The following ERBIN variants were observed in gnomAD, a reference collection of about 807,000 sequenced individuals.
The protein encoded by ERBIN is densin-180-like protein.
A neutral mutation model predicts 158.4 loss-of-function variants in ERBIN; 60 were observed. The observed-to-expected ratio is 0.38, with a 90% CI of 0.31 to 0.47. The LOEUF is 0.47. Ranked by LOEUF, ERBIN falls within the 20% of genes least tolerant of loss-of-function variation. ERBIN has a pLI of 0.99. For missense variants in ERBIN, 1,610 were observed against 1,648.0 expected, an observed-to-expected ratio of 0.98 and a Z score of 0.40; for synonymous variants, 594 against 557.2, an observed-to-expected ratio of 1.07 and a Z score of -0.93.
At chr5:66,025,425 T>C in intron 10 of ERBIN, 55 bp from the exon 11 acceptor site, 1 of 1,306,192 alleles carries the variant, frequency 7.7e-7, no homozygotes, top group Non-Finnish European at 1.1e-6. Context: ...TGACTGTTGG[T>C]GGACTTGCTT....
chr5:65,942,930 CT>C (rs56340024), intron 1 of ERBIN, among the ~76,000 whole-genome samples: 1 of 149,940 alleles, frequency 6.7e-6, no homozygotes, highest in Non-Finnish European at 1.5e-5. Flanking sequence ...AAAAAATAGA[CT>C]TTAAGTTTTT....
chr5:65,955,902 C>T (rs1580145379), intron 1 of ERBIN, among the ~76,000 whole-genome samples: 1 of 152,210 alleles, frequency 6.6e-6, no homozygotes, highest in South Asian at 2.1e-4. Flanking sequence ...TGCCATCATG[C>T]ACCATCCAGG....
rs183994533 is a variant in ERBIN, at chr5:66,072,743, T to A, written c.3756+452T>A. Among the ~76,000 whole-genome samples, 15 of 152,310 alleles carry A rather than the reference T, an allele frequency of 9.8e-5. No homozygotes were observed. In the East Asian group the frequency reaches 2.9e-3, roughly 29 times the overall value. The stretch of plus-strand genomic sequence containing the variant: ...TTGTATATGGTAGAATAGATGATGG[T>A]TGTGTTTTTAGTACTTTTGTTGCAA... On this transcript the variant is annotated intron_variant, in intron 22 of 25. Transcript: ENST00000284037.
At position 66,078,532 on chromosome 5, in the gene ERBIN, C is replaced by A. The variant is rs1368280662; in HGVS notation, c.*2C>A. The A allele has an allele frequency of 1.3e-6, 2 of 1,587,486 alleles. No individual in the cohort carries two copies. The highest frequency in any genetic ancestry group is 1.7e-6 in the Non-Finnish European group (2 of 1,159,248). ...ATTGTACGAGAAGTTTCCTCATAAG[C>A]ACTGTGGACAAAAAAAGCGGGGAAG... On this transcript the variant is annotated 3_prime_UTR_variant, in exon 26 of 26. Transcript: ENST00000284037.
chr5:66,054,520 G>A lies in ERBIN; in HGVS notation c.3202G>A (p.Ala1068Thr), dbSNP rs185501717. 1 of 1,614,148 alleles carries A rather than the reference G, an allele frequency of 6.2e-7. No individual in the cohort carries two copies. Among genetic ancestry groups the A allele is most frequent in the Non-Finnish European group, 8.5e-7 (1 of 1,180,018 alleles). ...AISPNDRLIP[A>T]VTRSTIQRQS... Reference sequence around the variant, plus strand: ...CTCACCAAACGACCGACTTATTCCTGCAGTAACTCGAAGTACAATCCAGCG... The same window carrying A: ...CTCACCAAACGACCGACTTATTCCTACAGTAACTCGAAGTACAATCCAGCG... Residue 1068 changes from alanine (A) to threonine (T), a missense_variant, in exon 21 of 26, where the codon GCA becomes ACA. By Grantham distance (58) the Ala-to-Thr change is moderately conservative (BLOSUM62 0). Coordinates refer to ENST00000284037, the MANE Select transcript of ERBIN (RefSeq NM_001253697.2).
chr5:66,069,608 G>C (rs1445548550), intron 21 of ERBIN, among the ~76,000 whole-genome samples: 1 of 152,212 alleles, frequency 6.6e-6, no homozygotes, highest in East Asian at 1.9e-4. Flanking sequence ...AAAATTCAGT[G>C]TGGGGGATAA....
At chr5:65,960,451 A>G (rs1048295315) in intron 1 of ERBIN, among the ~76,000 whole-genome samples, 1 of 152,196 alleles carries the variant, frequency 6.6e-6, no homozygotes, top group Non-Finnish European at 1.5e-5. Context: ...GCATTTCGCT[A>G]TACGTAAACT....
chr5:66,068,868 T>A, intron 21 of ERBIN: 1 of 1,529,488 alleles, frequency 6.5e-7, no homozygotes, highest in Non-Finnish European at 8.7e-7. Context: ...CTATCCCCTC[T>A]TTATTCAGAG....
intron 22 of ERBIN, among the ~76,000 whole-genome samples, chr5:66,072,949 T>C (rs1458241113): frequency 6.6e-6 from 1 of 152,218 alleles, no homozygotes; most frequent in South Asian, 2.1e-4. Flanking sequence ...TCATCTAATA[T>C]ATAAGTTCAT....
chr5:66,058,363 T>C (rs1394703361), intron 21 of ERBIN, among the ~76,000 whole-genome samples: 1 of 152,186 alleles, frequency 6.6e-6, no homozygotes, highest in Admixed American at 6.5e-5. Context: ...GTTCATATGC[T>C]TTGCCTACTT....
At chr5:65,978,010 GA>G (rs535768691) in intron 1 of ERBIN, among the ~76,000 whole-genome samples, 89 of 145,704 alleles carry the variant, frequency 6.1e-4, no homozygotes, top group Admixed American at 2.4e-3. Context: ...TTCTAGGTTG[GA>G]AACAATGTCA....
intron 21 of ERBIN, among the ~76,000 whole-genome samples, chr5:66,070,203 C>G (rs1262396488): frequency 6.6e-6 from 1 of 152,068 alleles, no homozygotes; most frequent in Admixed American, 6.6e-5. Context: ...CACCACCACA[C>G]CCGGCTAATT....
At chr5:66,016,344 G>C (rs139343755) in intron 7 of ERBIN, among the ~76,000 whole-genome samples, 1 of 152,158 alleles carries the variant, frequency 6.6e-6, no homozygotes, top group African/African-American at 2.4e-5. Flanking sequence ...TGATATCATA[G>C]GCAATTAACT....
intron 21 of ERBIN, among the ~76,000 whole-genome samples, chr5:66,066,612 A>C (rs913059289): frequency 6.6e-6 from 1 of 152,164 alleles, no homozygotes; most frequent in Non-Finnish European, 1.5e-5. Flanking sequence ...TTTAATTAAT[A>C]AGCAAAATTT....
rs548945196 is a variant in ERBIN at position 66,071,852 on chromosome 5, C to CTAGG, written c.3634-314_3634-311dup. 2.3e-4 allele frequency among the ~76,000 whole-genome samples: 35 copies of CTAGG among 151,462 alleles called. 1 individual carries two copies. In the South Asian group the frequency reaches 6.9e-3, roughly 30 times the overall value. ...ATTTGTTGTTCAAAGGTATTAAAAG[C>CTAGG]TAGGTATTACTGTAAGTAAAACTAA... is the stretch of plus-strand genomic sequence containing the variant. On this transcript the variant is annotated intron_variant, in intron 21 of 25. Coordinates refer to ENST00000284037, the MANE Select transcript of ERBIN (RefSeq NM_001253697.2).
At chr5:65,964,908 T>TTGTGTGTGTGTGTGTGTG (rs70987104) in intron 1 of ERBIN, among the ~76,000 whole-genome samples, 16 of 107,258 alleles carry the variant, frequency 1.5e-4, no homozygotes, top group African/African-American at 5.9e-4. Context: ...CCTGGCTGAT[T>TTGTGTGTGTGTGTGTGTG]TGTGTGTGTG....
chr5:66,022,706 A>G (rs771001172), intron 8 of ERBIN, among the ~76,000 whole-genome samples: 1 of 152,242 alleles, frequency 6.6e-6, no homozygotes, highest in Non-Finnish European at 1.5e-5. Flanking sequence ...ACACCATATT[A>G]TAAAGAATTT....
At chr5:66,073,507 A>G (rs1157060711) in intron 22 of ERBIN, among the ~76,000 whole-genome samples, 2 of 152,186 alleles carry the variant, frequency 1.3e-5, no homozygotes, top group Admixed American at 1.3e-4. Context: ...CAGAATACCC[A>G]TGTGTGTTCC....
chr5:66,034,226 T>A (rs1757167821), intron 14 of ERBIN, among the ~76,000 whole-genome samples: 1 of 151,640 alleles, frequency 6.6e-6, no homozygotes, highest in Non-Finnish European at 1.5e-5. Context: ...ATGACGTTTG[T>A]GAAAGGGAGG....
Sources: gnomAD v4.1 joint callset for allele counts (sites outside exome capture counted in the v4.1 genomes callset) on GRCh38, gnomAD v4.1.1 for gene constraint, MANE v1.5 for transcripts, NCBI Gene and HGNC (gene_info 2026-07-23, HGNC 2026-07-21) for gene names.